The following HPCAL1 variants were observed in gnomAD, a reference collection of about 807,000 sequenced individuals.
HPCAL1 encodes the protein hippocalcin-like protein 1.
HPCAL1 carries 8 observed loss-of-function variants against 17.1 expected under a neutral mutation model. The observed-to-expected ratio is 0.47, with a 90% confidence interval of 0.27 to 0.84. The LOEUF (loss-of-function observed/expected upper bound fraction) is 0.84. HPCAL1 is among the 40% of genes least tolerant of loss of function. The pLI, the probability that HPCAL1 is intolerant of heterozygous loss-of-function variation, is 0.13. For synonymous variants in HPCAL1, 112 were observed against 111.4 expected, an observed-to-expected ratio of 1.01 and a Z score of -0.03; for missense variants, 165 against 271.1, an observed-to-expected ratio of 0.61 and a Z score of 2.75.
rs2125434212 is a variant in HPCAL1 at position 10,337,033 on chromosome 2, G to A, written c.-111+33856G>A. Among the ~76,000 whole-genome samples the A allele has an allele frequency of 2.0e-5, 3 of 152,286 alleles. 1 individual carries two copies. In the South Asian group the frequency reaches 6.2e-4, roughly 32 times the overall value. On this transcript the variant is annotated intron_variant, in intron 1 of 4. Coordinates refer to ENST00000307845, the MANE Select transcript of HPCAL1 (RefSeq NM_002149.4). ...CTCCCAAAGTGCTGGGATTACAGGTGTGAGCCACTGGACCCGGCAGGAACA... is the reference window on the plus strand; with the variant it reads ...CTCCCAAAGTGCTGGGATTACAGGTATGAGCCACTGGACCCGGCAGGAACA...
Position 10,398,691 on chromosome 2 carries a change from CT to C in HPCAL1, c.-25+1773del, listed in dbSNP as rs377168694. On this transcript the variant is annotated intron_variant, in intron 2 of 4. Coordinates refer to ENST00000307845, the MANE Select transcript of HPCAL1 (RefSeq NM_002149.4). Reference sequence around the variant, plus strand: ...CCCTCTGCCCGTCCCCTGCCCCGCCCTTAGATCTGCATCCCGTGGGTGGGGT... The same window carrying C: ...CCCTCTGCCCGTCCCCTGCCCCGCCCTAGATCTGCATCCCGTGGGTGGGGT... Among the ~76,000 whole-genome samples the C allele has an allele frequency of 3.1e-3, 473 of 152,236 alleles. 6 individuals carry two copies. The highest frequency in any genetic ancestry group is 0.011 in the African/African-American group (444 of 41,528).
rs941321972 is a variant in HPCAL1 at position 10,362,258 on chromosome 2, C to T, written c.-110-34577C>T. 3.3e-5 allele frequency among the ~76,000 whole-genome samples: 5 copies of T among 151,786 alleles called. No individual in the cohort carries two copies. The highest frequency in any genetic ancestry group is 2.1e-4 in the South Asian group (1 of 4,822). On this transcript the variant is annotated intron_variant, in intron 1 of 4. Transcript: ENST00000307845. This position sits in a 1 kb window ranked among gnomAD's most constrained non-coding sequence, Gnocchi z 5.0. ...AGCCTCATGGAGGCAAACGGAGCTT[C>T]GGAACCCAGGTGTCGAGAATGAGCT...
At chr2:10,381,022 C>T (rs548719201) in intron 1 of HPCAL1, among the ~76,000 whole-genome samples, 4 of 152,312 alleles carry the variant, frequency 2.6e-5, no homozygotes, top group East Asian at 1.9e-4. Flanking sequence ...GTGTGGGAAC[C>T]GCTGGGGATC....
chr2:10,409,779 T>TTC (rs1452186231), intron 2 of HPCAL1, among the ~76,000 whole-genome samples: 2,144 of 15,072 alleles, frequency 0.14, 182 homozygotes, highest in African/African-American at 0.34. Flanking sequence ...GCCTCAGTCT[T>TTC]TTTTTTTTTT....
chr2:10,321,742 T>C (rs1186042781), intron 1 of HPCAL1, among the ~76,000 whole-genome samples: 1 of 152,252 alleles, frequency 6.6e-6, no homozygotes, highest in Admixed American at 6.5e-5. Flanking sequence ...TGCATCTGGC[T>C]TCCTTTACCA....
intron 1 of HPCAL1, among the ~76,000 whole-genome samples, chr2:10,357,151 G>A (rs1161201574): frequency 6.6e-6 from 1 of 152,144 alleles, no homozygotes; most frequent in Non-Finnish European, 1.5e-5. Flanking sequence ...GCTTGACGTA[G>A]GAGCCTTCCG....
chr2:10,379,574 G>A (rs932456972), intron 1 of HPCAL1, among the ~76,000 whole-genome samples: 1 of 152,084 alleles, frequency 6.6e-6, no homozygotes, highest in African/African-American at 2.4e-5. Context: ...TGAGTGATGG[G>A]ATGACCATGA....
intron 1 of HPCAL1, among the ~76,000 whole-genome samples, chr2:10,305,568 G>A (rs1475162189): frequency 6.6e-6 from 1 of 152,222 alleles, no homozygotes; most frequent in African/African-American, 2.4e-5. Flanking sequence ...ATGTCAATGT[G>A]TGATAACAAT....
rs578253249 is a variant in HPCAL1, at chr2:10,384,035, A to C, written c.-110-12800A>C. 4.6e-5 allele frequency among the ~76,000 whole-genome samples: 7 copies of C among 151,656 alleles called. No individual in the cohort carries two copies. The highest frequency in any genetic ancestry group is 7.4e-5 in the Non-Finnish European group (5 of 67,882). On this transcript the variant is annotated intron_variant, in intron 1 of 4. Coordinates refer to ENST00000307845, the MANE Select transcript of HPCAL1 (RefSeq NM_002149.4). The surrounding 1 kb of genome is among the most constrained non-coding windows in gnomAD (Gnocchi z 4.4). The stretch of plus-strand genomic sequence containing the variant: ...ATCGCGTACACACACACACCCACAC[A>C]CACACACACCTTTTGCTGGTGGCTC...
intron 2 of HPCAL1, among the ~76,000 whole-genome samples, chr2:10,409,267 C>T (rs947809848): frequency 2.6e-5 from 4 of 152,258 alleles, no homozygotes; most frequent in African/African-American, 9.6e-5. Flanking sequence ...GGCGGGGTCT[C>T]AGCTCAGGCC....
At chr2:10,401,209 C>A (rs984816075) in intron 2 of HPCAL1, among the ~76,000 whole-genome samples, 46 of 152,182 alleles carry the variant, frequency 3.0e-4, no homozygotes, top group African/African-American at 1.1e-3. Flanking sequence ...GTGGAGTCCA[C>A]AGTGATCTTT....
rs1553349448 is a variant in HPCAL1, at chr2:10,368,235, A to ATATG, written c.-110-28599_-110-28598insATGT. On this transcript the variant is annotated intron_variant, in intron 1 of 4. Transcript: ENST00000307845. Reference sequence around the variant, plus strand: ...GGGGTGTGCGTGTGTACACATATGCATGTGTGTGTGTGCATTGTGTGTAGG... The same window carrying ATATG: ...GGGGTGTGCGTGTGTACACATATGCATATGTGTGTGTGTGTGCATTGTGTGTAGG... 0.044 allele frequency among the ~76,000 whole-genome samples: 6,251 copies of ATATG among 142,150 alleles called. 721 individuals are homozygous for ATATG. The East Asian group carries it at 0.47, about 11-fold the overall frequency. 93.3% of individuals were successfully genotyped at this position (142,150 alleles called of 152,430 possible). A position where few individuals can be genotyped will look rare whatever the true frequency, so the allele number is the denominator to read the frequency against.
chr2:10,327,760 C>T (rs1664106220), intron 1 of HPCAL1, among the ~76,000 whole-genome samples: 1 of 152,140 alleles, frequency 6.6e-6, no homozygotes, highest in Non-Finnish European at 1.5e-5. Context: ...GGCCAAGAGC[C>T]TTGGCTTATT....
intron 1 of HPCAL1, among the ~76,000 whole-genome samples, chr2:10,327,414 G>A (rs185419027): frequency 3.9e-5 from 6 of 152,340 alleles, no homozygotes; most frequent in African/African-American, 1.4e-4. Context: ...TGGGGGATTA[G>A]ACTCTGGTTC....
At chr2:10,415,941 C>T (rs114121781) in intron 2 of HPCAL1, among the ~76,000 whole-genome samples, 1,677 of 152,352 alleles carry the variant, frequency 0.011, 17 homozygotes, top group South Asian at 0.026. Flanking sequence ...CACAGCAACC[C>T]GAGGGCCAGG....
intron 2 of HPCAL1, among the ~76,000 whole-genome samples, chr2:10,399,555 A>ACTACCGCCACCGCCACCGCCACCG (rs1669443052): frequency 3.7e-5 from 2 of 54,532 alleles, no homozygotes; most frequent in African/African-American, 9.2e-5. Flanking sequence ...CACCGCCACC[A>ACTACCGCCACCGCCACCGCCACCG]CTACCGCCAC....
At chr2:10,415,492 C>T (rs977943595) in intron 2 of HPCAL1, among the ~76,000 whole-genome samples, 6 of 152,198 alleles carry the variant, frequency 3.9e-5, no homozygotes, top group African/African-American at 1.2e-4. Flanking sequence ...ATCCATGCCC[C>T]GCCTATGAGC....
chr2:10,374,730 C>T (rs913237464), intron 1 of HPCAL1, among the ~76,000 whole-genome samples: 2 of 152,236 alleles, frequency 1.3e-5, no homozygotes, highest in Non-Finnish European at 2.9e-5. Flanking sequence ...AGAGTGGAGG[C>T]GGCAGTTCCA....
chr2:10,317,630 C>G (rs1475519472), intron 1 of HPCAL1, among the ~76,000 whole-genome samples: 1 of 152,178 alleles, frequency 6.6e-6, no homozygotes. Flanking sequence ...GTTGGCTAGG[C>G]TAGTCTCAAA....
Sources: allele counts gnomAD v4.1 joint callset (sites outside exome capture counted in the v4.1 genomes callset), GRCh38; gene constraint gnomAD v4.1.1; non-coding constraint Gnocchi (gnomAD v3.1); transcripts MANE v1.5; gene names NCBI Gene and HGNC (gene_info 2026-07-23, HGNC 2026-07-21).